The following DLEU7 variants were observed in gnomAD, a reference collection of about 807,000 sequenced individuals.
DLEU7 encodes the protein leukemia-associated protein 7.
A neutral mutation model predicts 16.0 loss-of-function variants in DLEU7; 17 were observed. The observed-to-expected ratio is 1.06, with a 90% confidence interval of 0.73 to 1.59. The LOEUF (loss-of-function observed/expected upper bound fraction) is 1.59, where lower values mean the gene tolerates loss of function less well. Among genes scored for constraint, DLEU7 ranks in the 40% most tolerant of loss-of-function variants. DLEU7 has a pLI of 0.00. For missense variants in DLEU7, 308 were observed against 314.9 expected, an observed-to-expected ratio of 0.98 and a Z score of 0.17; for synonymous variants, 113 against 139.8, an observed-to-expected ratio of 0.81 and a Z score of 1.35.
At chr13:50,839,166 C>T (rs544569035) in intron 1 of DLEU7, among the ~76,000 whole-genome samples, 1 of 152,356 alleles carries the variant, frequency 6.6e-6, no homozygotes, top group South Asian at 2.1e-4. Context: ...GTTCATAACG[C>T]CCCTAAGGGC....
intron 1 of DLEU7, among the ~76,000 whole-genome samples, chr13:50,727,467 T>C (rs567299791): frequency 1.3e-5 from 2 of 152,148 alleles, no homozygotes; most frequent in African/African-American, 2.4e-5. Context: ...CATATTTGCA[T>C]GCAATCACAG....
intron 1 of DLEU7, among the ~76,000 whole-genome samples, chr13:50,773,728 T>A (rs913886799): frequency 5.3e-5 from 8 of 152,000 alleles, no homozygotes; most frequent in Non-Finnish European, 1.2e-4. Flanking sequence ...TACATGGGGG[T>A]CAGGGACCCA....
At chr13:50,761,217 GC>G (rs2137745267) in intron 1 of DLEU7, among the ~76,000 whole-genome samples, 1 of 152,318 alleles carries the variant, frequency 6.6e-6, no homozygotes, top group African/African-American at 2.4e-5. Context: ...ATCCAAAGGG[GC>G]GTTGTAACTT....
chr13:50,785,111 A>G (rs1438883905), intron 1 of DLEU7, among the ~76,000 whole-genome samples: 2 of 152,128 alleles, frequency 1.3e-5, no homozygotes, highest in African/African-American at 4.8e-5. Flanking sequence ...GCCTGGGTTA[A>G]TGTTCCTTCC....
At chr13:50,826,969 A>T (rs867539344) in intron 1 of DLEU7, among the ~76,000 whole-genome samples, 1 of 152,226 alleles carries the variant, frequency 6.6e-6, no homozygotes, top group Non-Finnish European at 1.5e-5. Flanking sequence ...GGGCAGAATT[A>T]CCACTAATAG....
intron 1 of DLEU7, among the ~76,000 whole-genome samples, chr13:50,796,827 G>A (rs552079802): frequency 5.5e-4 from 83 of 152,190 alleles, no homozygotes; most frequent in African/African-American, 1.8e-3. Context: ...TCAGATAGAA[G>A]GAAAACGCAT....
chr13:50,729,357 A>G (rs1239633213), intron 1 of DLEU7, among the ~76,000 whole-genome samples: 1 of 152,100 alleles, frequency 6.6e-6, no homozygotes, highest in Non-Finnish European at 1.5e-5. Flanking sequence ...GCAAATGACA[A>G]TATCTTATTC....
chr13:50,797,682 A>G (rs969708710), intron 1 of DLEU7, among the ~76,000 whole-genome samples: 6 of 152,236 alleles, frequency 3.9e-5, no homozygotes, highest in African/African-American at 1.4e-4. Flanking sequence ...CTTTAGGCAT[A>G]TAACTAAGGA....
chr13:50,761,844 G>A (rs1275622149), intron 1 of DLEU7, among the ~76,000 whole-genome samples: 1 of 152,042 alleles, frequency 6.6e-6, no homozygotes, highest in South Asian at 2.1e-4. Flanking sequence ...ATTCTAATAG[G>A]CAATTTCTTT....
chr13:50,763,345 C>G (rs894757068), intron 1 of DLEU7, among the ~76,000 whole-genome samples: 1 of 152,096 alleles, frequency 6.6e-6, no homozygotes, highest in Non-Finnish European at 1.5e-5. Flanking sequence ...GTGTGAACAG[C>G]AGGGCAGGAG....
intron 1 of DLEU7, among the ~76,000 whole-genome samples, chr13:50,744,967 G>A (rs557572703): frequency 1.2e-4 from 19 of 152,226 alleles, no homozygotes; most frequent in African/African-American, 4.6e-4. Flanking sequence ...CACTGATGAT[G>A]GAAATGTAAA....
At chr13:50,773,504 G>C (rs112942082) in intron 1 of DLEU7, among the ~76,000 whole-genome samples, 2,189 of 152,296 alleles carry the variant, frequency 0.014, 51 homozygotes, top group African/African-American at 0.049. Flanking sequence ...CTGTATGTTA[G>C]TTTTCCTTCT....
intron 1 of DLEU7, among the ~76,000 whole-genome samples, chr13:50,731,812 G>A (rs1873920209): frequency 6.6e-6 from 1 of 152,020 alleles, no homozygotes; most frequent in Non-Finnish European, 1.5e-5. Flanking sequence ...CAATTACAAA[G>A]CCAATGCCTA....
At chr13:50,719,379 T>C (rs1050849054) in intron 1 of DLEU7, among the ~76,000 whole-genome samples, 1 of 152,222 alleles carries the variant, frequency 6.6e-6, no homozygotes, top group African/African-American at 2.4e-5. Context: ...TAATTTTTAG[T>C]TGGCAGAGGT....
At chr13:50,800,623 C>T (rs1449795570) in intron 1 of DLEU7, among the ~76,000 whole-genome samples, 1 of 152,092 alleles carries the variant, frequency 6.6e-6, no homozygotes, top group Non-Finnish European at 1.5e-5. Flanking sequence ...AAACTTCTGC[C>T]CATCCTCCCC....
chr13:50,814,916 G>A (rs1217623942), intron 1 of DLEU7, among the ~76,000 whole-genome samples: 1 of 151,642 alleles, frequency 6.6e-6, no homozygotes, highest in Non-Finnish European at 1.5e-5. Flanking sequence ...GTTGGGTGAA[G>A]AATTCATCAG....
At chr13:50,828,346 G>A (rs570474588) in intron 1 of DLEU7, among the ~76,000 whole-genome samples, 1 of 152,224 alleles carries the variant, frequency 6.6e-6, no homozygotes, top group Middle Eastern at 3.4e-3. Flanking sequence ...GCAAATAAAT[G>A]AGAAATCAAT....
At chr13:50,716,491 T>C (rs1873441537) in intron 1 of DLEU7, among the ~76,000 whole-genome samples, 1 of 152,260 alleles carries the variant, frequency 6.6e-6, no homozygotes, top group Non-Finnish European at 1.5e-5. Flanking sequence ...TAATGTTTTT[T>C]GATCTCTAAT....
At chr13:50,712,312 A>G (rs372576018) in exon 2 of DLEU7, 2 of 152,206 alleles carry the variant, frequency 1.3e-5, no homozygotes, top group African/African-American at 4.8e-5. Flanking sequence ...CCTAAGGCCA[A>G]TATCCCAATT....
Sources: gnomAD v4.1 joint callset for allele counts (sites outside exome capture counted in the v4.1 genomes callset) on GRCh38, gnomAD v4.1.1 for gene constraint, MANE v1.5 for transcripts, NCBI Gene and HGNC (gene_info 2026-07-23, HGNC 2026-07-21) for gene names.